The following KDM4C variants were observed in gnomAD, a reference collection of about 807,000 sequenced individuals.
KDM4C encodes lysine-specific demethylase 4C.
In KDM4C, 81 loss-of-function variants were observed where a neutral mutation model predicts 129.3. The ratio of observed to expected loss-of-function variants is 0.63; its 90% CI spans 0.52 to 0.75. The LOEUF is 0.75. KDM4C is among the 30% of genes least tolerant of loss of function. KDM4C has a pLI of 0.00. For missense variants in KDM4C, 1,457 were observed against 1,304.0 expected (o/e 1.12, Z -1.81); for synonymous variants, 573 against 456.1 (o/e 1.26, Z -3.26).
intron 12 of KDM4C, among the ~76,000 whole-genome samples, chr9:7,005,059 A>G (rs558022152): frequency 6.6e-6 from 1 of 152,182 alleles, no homozygotes; most frequent in Non-Finnish European, 1.5e-5. Flanking sequence ...TTGAGTCAAC[A>G]CCACTAGAAG....
At chr9:6,885,984 C>T (rs1845203273) in intron 6 of KDM4C, among the ~76,000 whole-genome samples, 1 of 152,212 alleles carries the variant, frequency 6.6e-6, no homozygotes, top group Admixed American at 6.5e-5. Flanking sequence ...ACTCTTCTTT[C>T]TTCACTGATT....
intron 19 of KDM4C, among the ~76,000 whole-genome samples, chr9:7,131,466 A>G (rs186767468): frequency 6.6e-6 from 1 of 152,202 alleles, no homozygotes; most frequent in Admixed American, 6.5e-5. Flanking sequence ...TGGCTCTGTG[A>G]TTATGGAGGC....
At chr9:6,911,275 G>C (rs1182041308) in intron 8 of KDM4C, among the ~76,000 whole-genome samples, 1 of 152,166 alleles carries the variant, frequency 6.6e-6, no homozygotes, top group Non-Finnish European at 1.5e-5. Context: ...CAAGAAGGTA[G>C]AAAATGATCA....
intron 15 of KDM4C, among the ~76,000 whole-genome samples, chr9:7,040,841 A>G (rs1828469326): frequency 6.6e-6 from 1 of 151,096 alleles, no homozygotes; most frequent in African/African-American, 2.4e-5. Context: ...CAGAATTTTG[A>G]TTGCTATGTA....
At chr9:7,125,682 C>A (rs1296929541) in intron 18 of KDM4C, among the ~76,000 whole-genome samples, 1 of 152,144 alleles carries the variant, frequency 6.6e-6, no homozygotes, top group Non-Finnish European at 1.5e-5. Context: ...ACTGTATTTC[C>A]CAGGAGTGTT....
At chr9:6,814,518 G>C (rs1365929056) in intron 3 of KDM4C, 113 bp from the exon 4 acceptor site, 1 of 578,704 alleles carries the variant, frequency 1.7e-6, no homozygotes, top group Non-Finnish European at 3.0e-6. Flanking sequence ...ACAACATGCA[G>C]TATTTTCGTT....
chr9:6,881,492 GTCT>G (rs1844450816), intron 6 of KDM4C, among the ~76,000 whole-genome samples: 2 of 152,102 alleles, frequency 1.3e-5, no homozygotes, highest in Non-Finnish European at 2.9e-5. Context: ...ATTCTCAACT[GTCT>G]TCTTCTCTGT....
intron 19 of KDM4C, among the ~76,000 whole-genome samples, chr9:7,134,990 C>G (rs183343388): frequency 1.3e-5 from 2 of 152,150 alleles, no homozygotes; most frequent in African/African-American, 2.4e-5. Context: ...AATTTTATTT[C>G]CTTTTGTGTA....
At chr9:6,775,200 A>G (rs1336832734) in intron 1 of KDM4C, among the ~76,000 whole-genome samples, 1 of 151,932 alleles carries the variant, frequency 6.6e-6, no homozygotes, top group South Asian at 2.1e-4. Context: ...TATTTTTAGT[A>G]GAGATGGGGT....
At chr9:6,849,851 A>G (rs1269152369) in intron 5 of KDM4C, 151 bp downstream of exon 5, 5 of 635,418 alleles carry the variant, frequency 7.9e-6, no homozygotes, top group South Asian at 2.1e-5. Flanking sequence ...ATTGTCTTCT[A>G]TTCTGTCTGG....
rs180939796 is a variant in KDM4C, at chr9:6,934,929, C to A, written c.921+41697C>A. On this transcript the variant is annotated intron_variant, in intron 8 of 21. Coordinates refer to ENST00000381309, the MANE Select transcript of KDM4C (RefSeq NM_015061.6). ...GTATACCAGATTTCTTTATTCTCAACCATGTGTGCACATACACTCAGATTT... is the reference window on the plus strand; with the variant it reads ...GTATACCAGATTTCTTTATTCTCAAACATGTGTGCACATACACTCAGATTT... Among the ~76,000 whole-genome samples, 5 of 151,750 alleles carry A rather than the reference C, an allele frequency of 3.3e-5. 1 individual carries two copies. The highest frequency in any genetic ancestry group is 2.6e-4 in the Admixed American group (4 of 15,250).
intron 8 of KDM4C, among the ~76,000 whole-genome samples, chr9:6,967,395 G>C (rs1404114563): frequency 6.8e-6 from 1 of 147,906 alleles, no homozygotes; most frequent in African/African-American, 2.5e-5. Context: ...CTGCACTCCT[G>C]CCTGGGTGAC....
intron 18 of KDM4C, among the ~76,000 whole-genome samples, chr9:7,116,783 A>G (rs2133258777): frequency 6.6e-6 from 1 of 152,246 alleles, no homozygotes; most frequent in South Asian, 2.1e-4. Flanking sequence ...AAGTCCAGAG[A>G]AACCTAGGAA....
chr9:7,120,928 T>G (rs917768761), intron 18 of KDM4C, among the ~76,000 whole-genome samples: 8 of 152,214 alleles, frequency 5.3e-5, no homozygotes, highest in African/African-American at 1.2e-4. Flanking sequence ...TTTTAAAAAT[T>G]GGAAGGACTC....
intron 6 of KDM4C, 71 bp from the exon 7 acceptor site, chr9:6,887,889 A>G: frequency 1.1e-6 from 1 of 904,096 alleles, no homozygotes; most frequent in South Asian, 1.3e-5. Flanking sequence ...TAGAACTTAC[A>G]CATTAAAAAA....
chr9:6,986,950 C>T (rs987371324), intron 11 of KDM4C: 6 of 313,764 alleles, frequency 1.9e-5, no homozygotes, highest in Admixed American at 9.2e-5. Context: ...ATTGTAGACT[C>T]GTATGCAGTT....
intron 17 of KDM4C, among the ~76,000 whole-genome samples, chr9:7,060,444 C>G (rs1400339423): frequency 7.2e-6 from 1 of 138,772 alleles, no homozygotes; most frequent in Admixed American, 7.3e-5. Flanking sequence ...GACTTTTTAG[C>G]AGTATTGTTG....
intron 1 of KDM4C, among the ~76,000 whole-genome samples, chr9:6,735,903 T>C (rs1275233326): frequency 6.6e-6 from 1 of 152,148 alleles, no homozygotes; most frequent in Non-Finnish European, 1.5e-5. Context: ...TGGCACTCCC[T>C]AGAGACTTGT....
chr9:6,849,545 C>T lies in KDM4C; in HGVS notation c.474C>T (p.Val158=), dbSNP rs767542394. Residue 158 remains valine, a synonymous_variant, in exon 5 of 22, where the codon GTC becomes GTT. Transcript: ENST00000381309. The stretch of plus-strand genomic sequence containing the variant: ...GGAACATAGCTCGCCTCAATACAGT[C>T]TTGGATGTGGTTGAAGAAGAGTGTG... ...DEWNIARLNT[V]LDVVEEECGI... 1.9e-6 allele frequency: 3 copies of T among 1,612,464 alleles called. No homozygotes were observed. Among genetic ancestry groups the T allele is most frequent in the Non-Finnish European group, 2.5e-6 (3 of 1,178,904 alleles).
Sources: gnomAD v4.1 joint callset for allele counts (sites outside exome capture counted in the v4.1 genomes callset) on GRCh38, gnomAD v4.1.1 for gene constraint, MANE v1.5 for transcripts, NCBI Gene and HGNC (gene_info 2026-07-23, HGNC 2026-07-21) for gene names.